The following CCM2 variants were observed in gnomAD, a reference collection of about 807,000 sequenced individuals.
CCM2 encodes CCM2 scaffold protein.
CCM2 carries 25 observed loss-of-function variants against 44.9 expected under a neutral mutation model. The ratio of observed to expected loss-of-function variants is 0.56; its 90% CI spans 0.41 to 0.78. CCM2 has a LOEUF of 0.78. Among genes scored for constraint, CCM2 ranks in the 30% least tolerant of loss-of-function variants. The pLI is 0.00. For synonymous variants in CCM2, 219 were observed against 241.1 expected (o/e 0.91, Z 0.85); for missense variants, 481 against 580.6 (o/e 0.83, Z 1.76).
rs149694259 is a variant in CCM2, at chr7:45,019,830, C to T, written c.31-18423C>T. ...ACTCAAGTGATCTTCCTGCCTTGGCCGCCCAAAGTGCTGGGATTATAGGCA... is the reference window on the plus strand; with the variant it reads ...ACTCAAGTGATCTTCCTGCCTTGGCTGCCCAAAGTGCTGGGATTATAGGCA... On this transcript the variant is annotated intron_variant, in intron 1 of 9. Transcript: ENST00000258781. 2.2e-3 allele frequency among the ~76,000 whole-genome samples: 341 copies of T among 152,228 alleles called. 2 individuals carry two copies. Among genetic ancestry groups the T allele is most frequent in the African/African-American group, 7.7e-3 (319 of 41,526 alleles).
Position 45,000,324 on chromosome 7 carries a change from A to T in CCM2, c.-10A>T. The T allele has an allele frequency of 8.0e-7, 1 of 1,247,130 alleles. No individual in the cohort carries two copies. Among genetic ancestry groups the T allele is most frequent in the Non-Finnish European group, 1.0e-6 (1 of 986,072 alleles). 77.3% of individuals were successfully genotyped at this position (1,247,130 alleles called of 1,614,324 possible). On this transcript the variant is annotated 5_prime_UTR_variant, in exon 1 of 10. Transcript: ENST00000258781. Reference sequence around the variant, plus strand: ...GGGCCGGGCGGGCCGCGGGAGCCGCACGCGGCGATATGGAAGAGGAGGGCA... The same window carrying T: ...GGGCCGGGCGGGCCGCGGGAGCCGCTCGCGGCGATATGGAAGAGGAGGGCA...
intron 2 of CCM2, among the ~76,000 whole-genome samples, chr7:45,060,363 C>G (rs767422522): frequency 6.6e-6 from 1 of 152,118 alleles, no homozygotes; most frequent in Non-Finnish European, 1.5e-5. Flanking sequence ...AAGAGAGAAT[C>G]TTCCTTTCTA....
At chr7:45,029,737 C>T (rs756122572) in intron 1 of CCM2, among the ~76,000 whole-genome samples, 8 of 152,220 alleles carry the variant, frequency 5.3e-5, no homozygotes, top group South Asian at 2.1e-4. Flanking sequence ...ACTCAAGACC[C>T]GCAGTTGGCA....
At chr7:45,059,351 GGCAGGAGGATCACTT>G (rs550693086) in intron 2 of CCM2, among the ~76,000 whole-genome samples, 42 of 151,756 alleles carry the variant, frequency 2.8e-4, no homozygotes, top group African/African-American at 9.9e-4. Flanking sequence ...GGGAGGCCAA[GGCAGGAGGATCACTT>G]GAGCCTAGGA....
intron 2 of CCM2, among the ~76,000 whole-genome samples, chr7:45,040,103 T>C (rs1797412859): frequency 6.9e-6 from 1 of 145,780 alleles, no homozygotes. Context: ...AAGATAAAAG[T>C]AAAAAAAAAG....
intron 2 of CCM2, among the ~76,000 whole-genome samples, chr7:45,047,600 G>GA (rs981122598): frequency 6.6e-6 from 1 of 152,210 alleles, no homozygotes; most frequent in Non-Finnish European, 1.5e-5. Flanking sequence ...TATGTTGAGT[G>GA]AAAAAAGCCG....
chr7:45,066,900 A>C (rs1014404471), intron 4 of CCM2, among the ~76,000 whole-genome samples: 3 of 145,488 alleles, frequency 2.1e-5, no homozygotes, highest in Non-Finnish European at 3.0e-5. Context: ...GAAACCAGTA[A>C]ATTTTTTTTT....
intron 1 of CCM2, among the ~76,000 whole-genome samples, chr7:45,019,880 C>T (rs764298805): frequency 3.9e-5 from 6 of 152,218 alleles, no homozygotes; most frequent in Admixed American, 6.5e-5. Flanking sequence ...CAGCCATCAG[C>T]TTGCTCCTTC....
chr7:45,071,909 T>G (rs1799096447), intron 6 of CCM2: 2 of 455,874 alleles, frequency 4.4e-6, no homozygotes, highest in Non-Finnish European at 8.8e-6. Context: ...CCTTTGAAAT[T>G]GGTAACATAT....
chr7:45,072,792 A>G lies in CCM2; in HGVS notation c.803+9A>G. 2 of 1,609,392 alleles carry G rather than the reference A, an allele frequency of 1.2e-6. No homozygotes were observed. Among genetic ancestry groups the G allele is most frequent in the Non-Finnish European group, 1.7e-6 (2 of 1,177,296 alleles). ...GTGGAAGCCAGCACTTTGTGAGTGC[A>G]CATGCCACCAAGCCCTGCGGTGGGA... On this transcript the variant is annotated intron_variant, in intron 7 of 9. Transcript: ENST00000258781.
rs572442544 is a variant in CCM2 at position 45,072,288 on chromosome 7, T to C, written c.746-438T>C. Reference sequence around the variant, plus strand: ...GGGAGTCAGACTGCCCGGCTCTGACTGTGGTTTCTGCTGTGTGACCTGGGC... The same window carrying C: ...GGGAGTCAGACTGCCCGGCTCTGACCGTGGTTTCTGCTGTGTGACCTGGGC... On this transcript the variant is annotated intron_variant, in intron 6 of 9. Coordinates refer to ENST00000258781, the MANE Select transcript of CCM2 (RefSeq NM_031443.4). The C allele has an allele frequency of 1.8e-4, 61 of 338,890 alleles. 2 individuals carry two copies. The highest frequency in any genetic ancestry group is 1.4e-3 in the South Asian group (58 of 42,024). 21.0% of individuals were successfully genotyped at this position (338,890 alleles called of 1,614,324 possible).
intron 1 of CCM2, among the ~76,000 whole-genome samples, chr7:45,020,831 A>G (rs1163244687): frequency 2.2e-5 from 3 of 136,074 alleles, no homozygotes; most frequent in Non-Finnish European, 4.6e-5. Context: ...ATATGAAAAA[A>G]ATCACACCCA....
At chr7:45,065,738 A>G (rs1376755195) in intron 4 of CCM2, among the ~76,000 whole-genome samples, 1 of 152,176 alleles carries the variant, frequency 6.6e-6, no homozygotes. Context: ...TTCTCTGTGT[A>G]GCAGTAGCTT....
chr7:45,028,500 A>G (rs1465052914), intron 1 of CCM2, among the ~76,000 whole-genome samples: 1 of 152,060 alleles, frequency 6.6e-6, no homozygotes, highest in Non-Finnish European at 1.5e-5. Flanking sequence ...TACTAAAAAT[A>G]CAAAAAAATT....
chr7:45,010,097 G>A (rs1467339020), intron 1 of CCM2, among the ~76,000 whole-genome samples: 1 of 151,986 alleles, frequency 6.6e-6, no homozygotes, highest in Non-Finnish European at 1.5e-5. Flanking sequence ...TTTTTGTAGA[G>A]ACGAGGTCTC....
At chr7:45,025,890 T>C (rs2128720946) in intron 1 of CCM2, among the ~76,000 whole-genome samples, 1 of 152,168 alleles carries the variant, frequency 6.6e-6, no homozygotes, top group East Asian at 1.9e-4. Context: ...TCTTCTCAAG[T>C]GTCTCTAAGT....
At chr7:45,073,021 C>T in intron 7 of CCM2, 1 of 630,744 alleles carries the variant, frequency 1.6e-6, no homozygotes, top group Admixed American at 2.4e-5. Flanking sequence ...CCATGGCCTC[C>T]CAAGAGTGAG....
At position 45,064,511 on chromosome 7, in the gene CCM2, C is replaced by A. The variant is rs1452664788; in HGVS notation, c.337C>A (p.Leu113Ile). The change falls in exon 4 of 10, where the codon CTC (leucine) becomes ATC (isoleucine). Residue 113 changes from leucine to isoleucine, a missense_variant. Transcript: ENST00000258781. ...GHLTQEHDAVLSLSAYNVKLA... is the reference protein window; with the variant it reads ...GHLTQEHDAVISLSAYNVKLA... ...CTTGACTCAGGAGCACGATGCTGTG[C>A]TCAGCCTGTCTGCGTACAACGTCAA... 1 of 1,613,824 alleles carries A rather than the reference C, an allele frequency of 6.2e-7. No individual in the cohort carries two copies. The highest frequency in any genetic ancestry group is 8.5e-7 in the Non-Finnish European group (1 of 1,179,936).
intron 1 of CCM2, among the ~76,000 whole-genome samples, chr7:45,009,750 A>G (rs985048769): frequency 1.3e-4 from 20 of 152,068 alleles, no homozygotes; most frequent in Non-Finnish European, 7.4e-5. Context: ...TTATCACTGT[A>G]CCTGCCCATC....
Sources: allele counts gnomAD v4.1 joint callset (sites outside exome capture counted in the v4.1 genomes callset), GRCh38; gene constraint gnomAD v4.1.1; transcripts MANE v1.5; gene names NCBI Gene and HGNC (gene_info 2026-07-23, HGNC 2026-07-21).